WWTR1: variants seen among roughly 807,000 people sequenced by gnomAD.
The protein encoded by WWTR1 is WW domain containing transcription regulator 1.
Under a neutral mutation model 40.1 loss-of-function variants are expected in WWTR1, and 13 were observed. The ratio of observed to expected loss-of-function variants is 0.32; its 90% CI spans 0.21 to 0.52. WWTR1 has a LOEUF of 0.52. Ranked by LOEUF, WWTR1 falls within the 20% of genes least tolerant of loss-of-function variation. The probability of loss-of-function intolerance (pLI) is 0.97; values close to 1 mark genes in which losing one functional copy is unlikely to be tolerated. For missense variants in WWTR1, 436 were observed against 523.1 expected (o/e 0.83, Z 1.63); for synonymous variants, 230 against 210.1 (o/e 1.09, Z -0.82).
chr3:149,579,365 G>C (rs1738038495), intron 2 of WWTR1, among the ~76,000 whole-genome samples: 1 of 152,072 alleles, frequency 6.6e-6, no homozygotes. Context: ...GACAGCCTGG[G>C]GTCATAAAAC....
chr3:149,647,287 A>C (rs1354674924), intron 2 of WWTR1, among the ~76,000 whole-genome samples: 1 of 152,190 alleles, frequency 6.6e-6, no homozygotes, highest in Non-Finnish European at 1.5e-5. Flanking sequence ...TGTATTTATT[A>C]CCTCTTTAAA....
upstream of WWTR1, among the ~76,000 whole-genome samples, chr3:149,705,721 A>G (rs1715312379): frequency 6.6e-6 from 1 of 152,198 alleles, no homozygotes; most frequent in African/African-American, 2.4e-5. Flanking sequence ...AGCACTGAAA[A>G]CATATATTAG....
intron 4 of WWTR1, among the ~76,000 whole-genome samples, chr3:149,541,824 A>G (rs1736113436): frequency 6.6e-6 from 1 of 152,068 alleles, no homozygotes; most frequent in South Asian, 2.1e-4. Context: ...TCTTCCAGCA[A>G]TCCTCACCAT....
rs778759561 is a variant in WWTR1 at position 149,527,849 on chromosome 3, G to A, written c.892C>T (p.Pro298Ser). 1.2e-6 allele frequency: 2 copies of A among 1,613,910 alleles called. No homozygotes were observed. The highest frequency in any genetic ancestry group is 2.7e-5 in the African/African-American group (2 of 74,898). The change falls in exon 5 of 7, where the codon CCT becomes TCT. Residue 298 changes from proline (P) to serine (S), a missense_variant. Coordinates refer to ENST00000360632, the MANE Select transcript of WWTR1 (RefSeq NM_015472.6). ...ATATTAACTTACCCATTGAGGAAAG[G>A]ATCTGAGCTATTATTAGTGATGGAT... ...MRSITNNSSDPFLNGGPYHSR... is the reference protein window; with the variant it reads ...MRSITNNSSDSFLNGGPYHSR...
chr3:149,645,383 G>A (rs1560101169), intron 2 of WWTR1, among the ~76,000 whole-genome samples: 1 of 151,970 alleles, frequency 6.6e-6, no homozygotes, highest in Non-Finnish European at 1.5e-5. Context: ...CTGGCCCCAG[G>A]CTGCTCTTAA....
chr3:149,664,610 C>T (rs1381018672), intron 2 of WWTR1, among the ~76,000 whole-genome samples: 2 of 139,588 alleles, frequency 1.4e-5, no homozygotes, highest in East Asian at 2.2e-4. Context: ...TTTTTTGAGA[C>T]GGAGTTTCGC....
intron 1 of WWTR1, among the ~76,000 whole-genome samples, chr3:149,680,669 A>T (rs12494554): frequency 0.01 from 735 of 71,822 alleles, 4 homozygotes; most frequent in African/African-American, 0.038. Flanking sequence ...CACCATTTCT[A>T]AAAAAAAAAA....
At position 149,574,397 on chromosome 3, in the gene WWTR1, A is replaced by G. The variant is rs192631370; in HGVS notation, c.432-1397T>C. ...ACAACAAACATGATAGAAGAAACTG[A>G]ATGTTAGCCCTTTGTTTTGGGCCTC... On this transcript the variant is annotated intron_variant, in intron 2 of 6. Transcript: ENST00000360632. 3.3e-5 allele frequency among the ~76,000 whole-genome samples: 5 copies of G among 152,270 alleles called. No individual in the cohort carries two copies. The East Asian group carries it at 9.7e-4, about 29-fold the overall frequency.
intron 2 of WWTR1, among the ~76,000 whole-genome samples, chr3:149,629,533 G>A (rs1001814884): frequency 1.3e-5 from 2 of 152,122 alleles, no homozygotes; most frequent in African/African-American, 2.4e-5. Context: ...TTGCCATTTC[G>A]AAATCTGAGG....
intron 3 of WWTR1, among the ~76,000 whole-genome samples, chr3:149,570,530 T>C (rs764524523): frequency 2.6e-5 from 4 of 151,876 alleles, no homozygotes; most frequent in Non-Finnish European, 4.4e-5. Context: ...ATCGTGCCAC[T>C]GCACTCCAGC....
chr3:149,668,614 A>AAAAAAAAAAAAAAC (rs1713938224), intron 2 of WWTR1, among the ~76,000 whole-genome samples: 2 of 98,588 alleles, frequency 2.0e-5, no homozygotes, highest in Non-Finnish European at 4.3e-5. Context: ...TCTCAAAAAA[A>AAAAAAAAAAAAAAC]ACAACAAAAA....
At chr3:149,655,908 A>G (rs1713181029) in intron 2 of WWTR1, among the ~76,000 whole-genome samples, 1 of 152,206 alleles carries the variant, frequency 6.6e-6, no homozygotes, top group Non-Finnish European at 1.5e-5. Flanking sequence ...AATGAAGTCT[A>G]AGTCAAGTTC....
chr3:149,699,317 G>C (rs1267699914), intron 1 of WWTR1, among the ~76,000 whole-genome samples: 2 of 147,890 alleles, frequency 1.4e-5, no homozygotes, highest in Non-Finnish European at 3.0e-5. Flanking sequence ...TTTTGAGATG[G>C]AGTTTCGCTC....
intron 2 of WWTR1, among the ~76,000 whole-genome samples, chr3:149,608,200 A>G (rs2108062508): frequency 6.6e-6 from 1 of 152,264 alleles, no homozygotes; most frequent in East Asian, 1.9e-4. Context: ...TTGTTTTTAT[A>G]ACTTCAAGAA....
chr3:149,538,200 G>A (rs1332736389), intron 4 of WWTR1, among the ~76,000 whole-genome samples: 1 of 152,076 alleles, frequency 6.6e-6, no homozygotes, highest in East Asian at 1.9e-4. Context: ...GATTACACGC[G>A]TCAGCCACCA....
chr3:149,696,217 G>A (rs185650712), intron 1 of WWTR1, among the ~76,000 whole-genome samples: 70 of 151,790 alleles, frequency 4.6e-4, no homozygotes, highest in Non-Finnish European at 9.0e-4. Flanking sequence ...ACAAATGCAG[G>A]CCGAATTTAT....
At chr3:149,580,904 G>A (rs895171050) in intron 2 of WWTR1, among the ~76,000 whole-genome samples, 9 of 152,282 alleles carry the variant, frequency 5.9e-5, no homozygotes, top group Middle Eastern at 3.4e-3. Flanking sequence ...GAGCCACCGC[G>A]CCTGGCGACA....
chr3:149,633,030 T>C (rs1338238012), intron 2 of WWTR1, among the ~76,000 whole-genome samples: 1 of 152,222 alleles, frequency 6.6e-6, no homozygotes, highest in African/African-American at 2.4e-5. Context: ...TTAAAAACTA[T>C]TGAATTACAC....
chr3:149,667,600 C>G (rs1713889097), intron 2 of WWTR1, among the ~76,000 whole-genome samples: 1 of 151,868 alleles, frequency 6.6e-6, no homozygotes, highest in Admixed American at 6.6e-5. Flanking sequence ...GTCTAGGCAA[C>G]CCAGCATCCC....
Sources: gnomAD v4.1 joint callset for allele counts (sites outside exome capture counted in the v4.1 genomes callset) on GRCh38, gnomAD v4.1.1 for gene constraint, MANE v1.5 for transcripts, NCBI Gene and HGNC (gene_info 2026-07-23, HGNC 2026-07-21) for gene names.